PARD3B: variants seen among roughly 807,000 people sequenced by gnomAD.
The protein encoded by PARD3B is par-3 family cell polarity regulator beta, also known as partitioning defective 3 homolog B.
In PARD3B, 103 loss-of-function variants were observed where a neutral mutation model predicts 130.2. The observed-to-expected ratio is 0.79, with a 90% confidence interval of 0.67 to 0.93. PARD3B has a LOEUF of 0.93. Ranked by LOEUF, PARD3B falls within the 40% of genes least tolerant of loss-of-function variation. PARD3B has a pLI of 0.00. For synonymous variants in PARD3B, 583 were observed against 553.2 expected (o/e 1.05, Z -0.76); for missense variants, 1,609 against 1,499.2 (o/e 1.07, Z -1.21).
intron 20 of PARD3B, among the ~76,000 whole-genome samples, chr2:205,474,963 C>T (rs372491042): frequency 6.6e-5 from 10 of 152,212 alleles, no homozygotes; most frequent in South Asian, 2.1e-4. Flanking sequence ...TCGCCTCAGC[C>T]GTGAGTCATT....
chr2:204,550,098 C>T (rs1300300691), intron 1 of PARD3B, among the ~76,000 whole-genome samples: 1 of 152,076 alleles, frequency 6.6e-6, no homozygotes, highest in East Asian at 1.9e-4. Context: ...CCTTAGTATC[C>T]ATAGGGGATT....
intron 13 of PARD3B, among the ~76,000 whole-genome samples, chr2:205,180,973 G>T (rs1024991672): frequency 2.6e-5 from 4 of 152,072 alleles, no homozygotes; most frequent in African/African-American, 9.7e-5. Context: ...TCTTACCCTG[G>T]GCCGAGGAAT....
At chr2:205,316,734 G>T (rs1425775744) in intron 18 of PARD3B, among the ~76,000 whole-genome samples, 1 of 152,000 alleles carries the variant, frequency 6.6e-6, no homozygotes, top group Admixed American at 6.6e-5. Context: ...CCTACTCCAG[G>T]CCTTTTTTTC....
At chr2:204,811,471 A>T (rs2042959896) in intron 2 of PARD3B, among the ~76,000 whole-genome samples, 2 of 152,250 alleles carry the variant, frequency 1.3e-5, no homozygotes, top group South Asian at 2.1e-4. Flanking sequence ...AAAGACATAG[A>T]AGTTGACATG....
intron 10 of PARD3B, among the ~76,000 whole-genome samples, chr2:205,126,654 G>A (rs981994347): frequency 6.7e-6 from 1 of 149,536 alleles, no homozygotes; most frequent in Non-Finnish European, 1.5e-5. Context: ...GCTGAGGCAG[G>A]AGAATGGCGT....
intron 1 of PARD3B, among the ~76,000 whole-genome samples, chr2:204,683,042 T>A (rs1053707909): frequency 6.6e-6 from 1 of 152,230 alleles, no homozygotes; most frequent in Non-Finnish European, 1.5e-5. Context: ...TTGTTTTGCT[T>A]TCCTTTTGCA....
rs991503297 is a variant in PARD3B, at chr2:205,146,831, G to A, written c.1435-11891G>A. Among the ~76,000 whole-genome samples the A allele has an allele frequency of 1.3e-5, 2 of 151,744 alleles. No individual in the cohort carries two copies. The highest frequency in any genetic ancestry group is 4.2e-4 in the South Asian group (2 of 4,790). ...CATCCTTCGCCTCCCGGGTTGGAGC[G>A]ATTCTCCTGCCTCAGCTTCCTGAGT... is the stretch of plus-strand genomic sequence containing the variant. On this transcript the variant is annotated intron_variant, in intron 10 of 22. Transcript: ENST00000406610. This position sits in a 1 kb window ranked among gnomAD's most constrained non-coding sequence, Gnocchi z 4.3.
At chr2:205,430,628 TG>T (rs566480040) in intron 19 of PARD3B, among the ~76,000 whole-genome samples, 3 of 152,030 alleles carry the variant, frequency 2.0e-5, no homozygotes, top group African/African-American at 4.8e-5. Context: ...ACAAGATATT[TG>T]GGGGGATGGA....
chr2:204,874,720 G>T (rs1418038519), intron 2 of PARD3B, among the ~76,000 whole-genome samples: 1 of 152,102 alleles, frequency 6.6e-6, no homozygotes, highest in African/African-American at 2.4e-5. Context: ...TCACTAAGTT[G>T]CCATGTGCCT....
chr2:205,244,355 A>T lies in PARD3B; in HGVS notation c.2141-1423A>T, dbSNP rs896515679. 6.6e-6 allele frequency among the ~76,000 whole-genome samples: 1 copy of T among 152,214 alleles called. No individual in the cohort carries two copies. The highest frequency in any genetic ancestry group is 1.5e-5 in the Non-Finnish European group (1 of 68,034). On this transcript the variant is annotated intron_variant, in intron 15 of 22. Coordinates refer to ENST00000406610, the MANE Select transcript of PARD3B (RefSeq NM_001302769.2). The surrounding 1 kb of genome is among the most constrained non-coding windows in gnomAD (Gnocchi z 4.7). ...TGAGACCACAGTTTTGTGTACTAAC[A>T]TAGACAGTGGCACATGGTAATAAAC...
At chr2:204,747,419 A>G (rs1033378049) in intron 2 of PARD3B, among the ~76,000 whole-genome samples, 17 of 152,272 alleles carry the variant, frequency 1.1e-4, no homozygotes, top group East Asian at 3.9e-4. Context: ...CCACTGCTCA[A>G]CGAAATAAAA....
intron 2 of PARD3B, among the ~76,000 whole-genome samples, chr2:204,789,255 G>C (rs1272569089): frequency 6.6e-6 from 1 of 151,906 alleles, no homozygotes; most frequent in African/African-American, 2.4e-5. Flanking sequence ...ATAGAGATGG[G>C]GTCTCATTTG....
At chr2:205,381,461 A>G (rs1423730070) in intron 18 of PARD3B, among the ~76,000 whole-genome samples, 4 of 151,558 alleles carry the variant, frequency 2.6e-5, no homozygotes, top group South Asian at 4.1e-4. Flanking sequence ...AAAGTAGATA[A>G]TGCCAAGCTT....
chr2:205,051,486 C>A (rs1396844065), intron 4 of PARD3B, among the ~76,000 whole-genome samples: 1 of 152,102 alleles, frequency 6.6e-6, no homozygotes, highest in African/African-American at 2.4e-5. Flanking sequence ...TTACTTATAA[C>A]CCACAGCATA....
chr2:205,422,266 G>A (rs960070548), intron 19 of PARD3B, among the ~76,000 whole-genome samples: 3 of 152,198 alleles, frequency 2.0e-5, no homozygotes, highest in African/African-American at 7.2e-5. Context: ...ATAACTAAGG[G>A]AGAGCGTGGC....
chr2:204,626,236 CA>C (rs1434835352), intron 1 of PARD3B, among the ~76,000 whole-genome samples: 1 of 152,116 alleles, frequency 6.6e-6, no homozygotes, highest in Non-Finnish European at 1.5e-5. Flanking sequence ...GCCAACACCA[CA>C]TTACATGTTT....
intron 2 of PARD3B, among the ~76,000 whole-genome samples, chr2:204,696,247 G>T (rs759614): frequency 0.78 from 118,692 of 151,730 alleles, 46,598 homozygotes; most frequent in East Asian, 0.86. Flanking sequence ...ATCATGACCT[G>T]AGGTCTCATG....
At chr2:204,867,783 G>A (rs185612498) in intron 2 of PARD3B, among the ~76,000 whole-genome samples, 1 of 152,266 alleles carries the variant, frequency 6.6e-6, no homozygotes, top group East Asian at 1.9e-4. Context: ...TTGAATGGGT[G>A]TTATTTGGTT....
At chr2:205,610,102 C>T (rs929438840) in intron 22 of PARD3B, among the ~76,000 whole-genome samples, 1 of 152,206 alleles carries the variant, frequency 6.6e-6, no homozygotes, top group Non-Finnish European at 1.5e-5. Context: ...TGTTGAGTTA[C>T]AGCAGGTGGC....
Sources: allele counts gnomAD v4.1 joint callset (sites outside exome capture counted in the v4.1 genomes callset), GRCh38; gene constraint gnomAD v4.1.1; non-coding constraint Gnocchi (gnomAD v3.1); transcripts MANE v1.5; gene names NCBI Gene and HGNC (gene_info 2026-07-23, HGNC 2026-07-21).